VAV2: variants seen among roughly 807,000 people sequenced by gnomAD.
The protein encoded by VAV2 is vav guanine nucleotide exchange factor 2, also known as guanine nucleotide exchange factor VAV2.
Under a neutral mutation model 132.5 loss-of-function variants are expected in VAV2, and 67 were observed. That is an observed-to-expected ratio of 0.51 (90% CI 0.42 to 0.62). The LOEUF is 0.62. Ranked by LOEUF, VAV2 falls within the 20% of genes least tolerant of loss-of-function variation. The pLI is 0.00. For synonymous variants in VAV2, 492 were observed against 443.5 expected, an observed-to-expected ratio of 1.11 and a Z score of -1.37; for missense variants, 938 against 1,153.6, an observed-to-expected ratio of 0.81 and a Z score of 2.71.
rs925472013 is a variant in VAV2 at position 133,982,585 on chromosome 9, C to T, written c.204+9490G>A. ...GTCTCTGGCTGGCGGGGCAGGAGGG[C>T]GCGGCAGACTCCGGCTGCCGCCTGG... On this transcript the variant is annotated intron_variant, in intron 1 of 29. Coordinates refer to ENST00000371850, the MANE Select transcript of VAV2 (RefSeq NM_001134398.2). Among the ~76,000 whole-genome samples the T allele has an allele frequency of 6.6e-5, 10 of 152,192 alleles. No homozygotes were observed. The East Asian group carries it at 1.6e-3, about 24-fold the overall frequency.
rs775575526 is a variant in VAV2, at chr9:133,770,542, C to A, written c.2224-41G>T. On this transcript the variant is annotated intron_variant, in intron 26 of 29. Coordinates refer to ENST00000371850, the MANE Select transcript of VAV2 (RefSeq NM_001134398.2). The stretch of plus-strand genomic sequence containing the variant: ...ACTCACTGACAGCTGCTGCCACCTC[C>A]AGGAAGTCCTCCCCCAGTGACCTGG... 4 of 1,606,572 alleles carry A rather than the reference C, an allele frequency of 2.5e-6. No homozygotes were observed. The South Asian group carries it at 4.4e-5, about 18-fold the overall frequency.
At chr9:133,982,515 G>C (rs547180952) in intron 1 of VAV2, among the ~76,000 whole-genome samples, 46 of 152,030 alleles carry the variant, frequency 3.0e-4, no homozygotes, top group African/African-American at 1.1e-3. Context: ...AGACTGGCTG[G>C]AGGGGCAGGA....
chr9:133,896,076 C>G (rs1160207399), intron 2 of VAV2, among the ~76,000 whole-genome samples: 1 of 147,766 alleles, frequency 6.8e-6, no homozygotes, highest in Non-Finnish European at 1.5e-5. Flanking sequence ...GAGGACCCTG[C>G]GGCCTTCCGC....
chr9:133,985,776 A>G (rs1842840697), intron 1 of VAV2, among the ~76,000 whole-genome samples: 1 of 152,242 alleles, frequency 6.6e-6, no homozygotes. Flanking sequence ...GATGAGGACG[A>G]ATCAAAAGAC....
intron 3 of VAV2, among the ~76,000 whole-genome samples, chr9:133,842,812 C>A (rs1255323168): frequency 6.6e-6 from 1 of 152,180 alleles, no homozygotes; most frequent in Non-Finnish European, 1.5e-5. Context: ...ACCCCACGCC[C>A]AGGGCATGGG....
At chr9:133,903,543 G>C (rs572762170) in intron 2 of VAV2, among the ~76,000 whole-genome samples, 3 of 152,276 alleles carry the variant, frequency 2.0e-5, no homozygotes, top group African/African-American at 7.2e-5. Context: ...GAAAATATGG[G>C]GGTGGGGGCT....
At chr9:133,954,049 G>A (rs548824357) in intron 1 of VAV2, among the ~76,000 whole-genome samples, 35 of 152,212 alleles carry the variant, frequency 2.3e-4, no homozygotes, top group African/African-American at 7.5e-4. Context: ...CACTATACAC[G>A]CCATGGGATG....
At position 133,883,923 on chromosome 9, in the gene VAV2, C is replaced by T. The variant is rs562864013; in HGVS notation, c.322-22491G>A. The stretch of plus-strand genomic sequence containing the variant: ...GGCTGAGGCAGGCAGATCACAAGGT[C>T]AGGAGATCAAGACCATCTTGATCAA... On this transcript the variant is annotated intron_variant, in intron 2 of 29. Transcript: ENST00000371850. The surrounding 1 kb of genome is among the most constrained non-coding windows in gnomAD (Gnocchi z 4.2). Among the ~76,000 whole-genome samples, 31 of 152,268 alleles carry T rather than the reference C, an allele frequency of 2.0e-4. No individual in the cohort carries two copies. Among genetic ancestry groups the T allele is most frequent in the African/African-American group, 7.2e-4 (30 of 41,558 alleles).
At chr9:133,814,978 A>G (rs1835501883) in intron 4 of VAV2, among the ~76,000 whole-genome samples, 1 of 152,066 alleles carries the variant, frequency 6.6e-6, no homozygotes, top group Non-Finnish European at 1.5e-5. Context: ...CGGCTCTGAC[A>G]AGGCCTGAAC....
At chr9:133,889,268 G>A (rs1838835598) in intron 2 of VAV2, among the ~76,000 whole-genome samples, 1 of 152,198 alleles carries the variant, frequency 6.6e-6, no homozygotes, top group South Asian at 2.1e-4. Context: ...CTCTTACAGC[G>A]GGTGCCGAAG....
At chr9:133,904,095 T>C (rs564100267) in intron 2 of VAV2, among the ~76,000 whole-genome samples, 120 of 152,338 alleles carry the variant, frequency 7.9e-4, no homozygotes, top group African/African-American at 2.7e-3. Flanking sequence ...TTTGAGCTGC[T>C]TCCTATCCGG....
intron 3 of VAV2, among the ~76,000 whole-genome samples, chr9:133,835,918 CT>C (rs1353280564): frequency 3.3e-5 from 5 of 152,194 alleles, no homozygotes; most frequent in Non-Finnish European, 7.3e-5. Flanking sequence ...ACGGCCAGGC[CT>C]GACCTCTGCA....
intron 2 of VAV2, among the ~76,000 whole-genome samples, chr9:133,908,815 C>T (rs1004757714): frequency 4.6e-5 from 7 of 152,262 alleles, no homozygotes; most frequent in Admixed American, 6.5e-5. Flanking sequence ...GACTTCCAAC[C>T]GCTTGCCTGG....
intron 2 of VAV2, among the ~76,000 whole-genome samples, chr9:133,901,661 G>A (rs2789820): frequency 0.66 from 99,808 of 152,158 alleles, 34,585 homozygotes; most frequent in East Asian, 0.93. Context: ...GCTCCTGCCG[G>A]CCCGGCCTGG....
intron 2 of VAV2, among the ~76,000 whole-genome samples, chr9:133,929,455 G>A (rs990160221): frequency 4.6e-5 from 7 of 152,152 alleles, no homozygotes; most frequent in Admixed American, 3.3e-4. Flanking sequence ...GGATGGATTC[G>A]AGGTGCCTGC....
chr9:133,913,697 G>A (rs1002941888), intron 2 of VAV2, among the ~76,000 whole-genome samples: 4 of 152,256 alleles, frequency 2.6e-5, no homozygotes, highest in Admixed American at 2.6e-4. Context: ...GCAAACAGCA[G>A]GGCCACGACT....
chr9:133,826,860 C>T lies in VAV2; in HGVS notation c.449+7412G>A, dbSNP rs932076920. Among the ~76,000 whole-genome samples the T allele has an allele frequency of 6.6e-6, 1 of 152,160 alleles. No individual in the cohort carries two copies. Among genetic ancestry groups the T allele is most frequent in the Non-Finnish European group, 1.5e-5 (1 of 68,018 alleles). ...CCCTGCTGGGGACTGGGGTGTGCAG[C>T]CTACTTCACAGACAGGCAAGGGCAA... On this transcript the variant is annotated intron_variant, in intron 4 of 29. Coordinates refer to ENST00000371850, the MANE Select transcript of VAV2 (RefSeq NM_001134398.2). This position sits in a 1 kb window ranked among gnomAD's most constrained non-coding sequence, Gnocchi z 4.2.
chr9:133,835,418 G>C (rs1188578829), intron 3 of VAV2, among the ~76,000 whole-genome samples: 2 of 152,024 alleles, frequency 1.3e-5, no homozygotes, highest in African/African-American at 4.8e-5. Flanking sequence ...AGGGAGGGGT[G>C]GGGAGGGAGG....
chr9:133,976,073 G>T (rs893388916), intron 1 of VAV2, among the ~76,000 whole-genome samples: 6 of 152,182 alleles, frequency 3.9e-5, no homozygotes, highest in South Asian at 4.1e-4. Flanking sequence ...CAGGCGTGGT[G>T]GTGGGCACCT....
Sources: gnomAD v4.1 joint callset for allele counts (sites outside exome capture counted in the v4.1 genomes callset) on GRCh38, gnomAD v4.1.1 for gene constraint, Gnocchi (gnomAD v3.1) non-coding constraint, MANE v1.5 for transcripts, NCBI Gene and HGNC (gene_info 2026-07-23, HGNC 2026-07-21) for gene names.